HNF4G: variants seen among roughly 807,000 people sequenced by gnomAD.
HNF4G encodes the protein hepatocyte nuclear factor 4-gamma.
A neutral mutation model predicts 50.9 loss-of-function variants in HNF4G; 21 were observed. The ratio of observed to expected loss-of-function variants is 0.41; its 90% confidence interval spans 0.29 to 0.59. The LOEUF (loss-of-function observed/expected upper bound fraction) is 0.59, where lower values mean the gene tolerates loss of function less well. Among genes scored for constraint, HNF4G ranks in the 20% least tolerant of loss-of-function variants. HNF4G has a pLI of 0.26. For synonymous variants in HNF4G, 198 were observed against 185.6 expected, an observed-to-expected ratio of 1.07 and a Z score of -0.54; for missense variants, 527 against 559.4, an observed-to-expected ratio of 0.94 and a Z score of 0.58.
intron 8 of HNF4G, among the ~76,000 whole-genome samples, chr8:75,559,521 C>T (rs1807243883): frequency 6.6e-6 from 1 of 152,036 alleles, no homozygotes; most frequent in Admixed American, 6.5e-5. Context: ...ATCTGCCAGC[C>T]TCGGCCTCCC....
intron 1 of HNF4G, among the ~76,000 whole-genome samples, chr8:75,442,329 ATTC>A (rs145675565): frequency 0.032 from 4,921 of 152,210 alleles, 184 homozygotes; most frequent in African/African-American, 0.087. Flanking sequence ...CATATTAAAT[ATTC>A]TTTTGCATAT....
intron 1 of HNF4G, among the ~76,000 whole-genome samples, chr8:75,413,927 A>G (rs1810566607): frequency 1.3e-5 from 2 of 152,166 alleles, no homozygotes; most frequent in African/African-American, 4.8e-5. Flanking sequence ...CTGGGGAAGT[A>G]TTATTAAAAC....
chr8:75,435,530 C>A (rs1811115258), intron 1 of HNF4G, among the ~76,000 whole-genome samples: 1 of 152,158 alleles, frequency 6.6e-6, no homozygotes. Flanking sequence ...GTACTACAGA[C>A]TGGACCCAGG....
At chr8:75,422,507 GTAAA>G (rs1335873822) in intron 1 of HNF4G, among the ~76,000 whole-genome samples, 2 of 152,116 alleles carry the variant, frequency 1.3e-5, no homozygotes, top group African/African-American at 4.8e-5. Flanking sequence ...CATTATCAAA[GTAAA>G]TATATTAACT....
upstream of HNF4G, among the ~76,000 whole-genome samples, chr8:75,536,026 C>T (rs1166674992): frequency 6.6e-6 from 1 of 151,790 alleles, no homozygotes; most frequent in Non-Finnish European, 1.5e-5. Context: ...TTAAAATTAA[C>T]CTTTTATCTA....
intron 1 of HNF4G, among the ~76,000 whole-genome samples, chr8:75,417,144 C>T (rs1048552635): frequency 2.0e-5 from 3 of 151,304 alleles, no homozygotes; most frequent in Admixed American, 1.3e-4. Flanking sequence ...CACACACACA[C>T]ACGCTGCTGT....
chr8:75,472,274 T>C (rs1812131502), intron 1 of HNF4G, among the ~76,000 whole-genome samples: 1 of 152,188 alleles, frequency 6.6e-6, no homozygotes, highest in South Asian at 2.1e-4. Flanking sequence ...TAGAAATTCT[T>C]TTTTCTAAAG....
intron 1 of HNF4G, among the ~76,000 whole-genome samples, chr8:75,430,906 T>A (rs1470917441): frequency 6.6e-6 from 1 of 152,188 alleles, no homozygotes; most frequent in East Asian, 1.9e-4. Flanking sequence ...AGATTGTTGT[T>A]AGAAATTTCA....
At chr8:75,552,026 ATTAG>A (rs984745290) in intron 4 of HNF4G, among the ~76,000 whole-genome samples, 2 of 152,220 alleles carry the variant, frequency 1.3e-5, no homozygotes, top group African/African-American at 4.8e-5. Flanking sequence ...AAAATAAGTC[ATTAG>A]TTATATACAT....
intron 2 of HNF4G, among the ~76,000 whole-genome samples, chr8:75,490,730 G>A (rs7003219): frequency 0.24 from 36,978 of 151,910 alleles, 4,770 homozygotes; most frequent in South Asian, 0.31. Context: ...GTGATTTTCT[G>A]AAGAATTTTT....
At position 75,412,921 on chromosome 8, in the gene HNF4G, T is replaced by G. The variant is rs75652864; in HGVS notation, c.-144+4759T>G. On this transcript the variant is annotated intron_variant, in intron 1 of 10. Transcript: ENST00000354370. ...CTATTATATTAGGATAACAGATAAT[T>G]ATAATTAGTATAATACCGTGGAAAA... Among the ~76,000 whole-genome samples, 1,195 of 152,202 alleles carry G rather than the reference T, an allele frequency of 7.9e-3. 43 individuals are homozygous for G. The East Asian group carries it at 0.093, about 12-fold the overall frequency.
chr8:75,493,311 G>A (rs1174914148), intron 2 of HNF4G, among the ~76,000 whole-genome samples: 1 of 152,096 alleles, frequency 6.6e-6, no homozygotes. Flanking sequence ...AGAAATGGAG[G>A]CTGGTTGGAC....
rs1805835575 is a variant in HNF4G, at chr8:75,514,338, CCTTTCTTTCTT to C, written c.-24+24139_-24+24149del. Among the ~76,000 whole-genome samples, 2 of 130,738 alleles carry C rather than the reference CCTTTCTTTCTT, an allele frequency of 1.5e-5. 1 individual carries two copies. The highest frequency in any genetic ancestry group is 3.3e-5 in the Non-Finnish European group (2 of 61,448). The allele number at this position is 130,738 out of a possible 152,430, so 85.8% of individuals were successfully genotyped here. On this transcript the variant is annotated intron_variant, in intron 2 of 10. Coordinates refer to the HNF4G transcript ENST00000354370. The stretch of plus-strand genomic sequence containing the variant: ...TTTTCTTTTTCTTTTTCTTTTTTTT[CCTTTCTTTCTT>C]CTTTCTTTTTTTTTTTCTTTCTTTT...
At chr8:75,421,186 C>G (rs1391583078) in intron 1 of HNF4G, among the ~76,000 whole-genome samples, 1 of 152,046 alleles carries the variant, frequency 6.6e-6, no homozygotes. Flanking sequence ...GAGATCTTTC[C>G]TGTTCCTTTT....
At chr8:75,532,722 T>C (rs2130769275) in intron 2 of HNF4G, among the ~76,000 whole-genome samples, 1 of 152,128 alleles carries the variant, frequency 6.6e-6, no homozygotes. Flanking sequence ...AGTAATCCTA[T>C]ATGTATATTT....
chr8:75,462,831 G>A (rs527875082), intron 1 of HNF4G, among the ~76,000 whole-genome samples: 6 of 152,188 alleles, frequency 3.9e-5, no homozygotes, highest in Admixed American at 2.0e-4. Context: ...TATAAGGAAT[G>A]TTGTTCCTTC....
intron 2 of HNF4G, among the ~76,000 whole-genome samples, chr8:75,526,701 T>C (rs1164803546): frequency 1.3e-5 from 2 of 150,636 alleles, no homozygotes; most frequent in African/African-American, 2.5e-5. Context: ...CAAGACTAAT[T>C]AAAATTTTTT....
At chr8:75,418,568 C>T (rs1174392525) in intron 1 of HNF4G, among the ~76,000 whole-genome samples, 1 of 152,156 alleles carries the variant, frequency 6.6e-6, no homozygotes, top group Admixed American at 6.5e-5. Flanking sequence ...ACACTTTCCT[C>T]ATATTTGGCC....
At chr8:75,543,161 C>A (rs942477946) in intron 1 of HNF4G, among the ~76,000 whole-genome samples, 3 of 152,004 alleles carry the variant, frequency 2.0e-5, no homozygotes, top group African/African-American at 7.3e-5. Context: ...GAGCCGAGAT[C>A]GCACCACTAC....
Sources: gnomAD v4.1 joint callset for allele counts (sites outside exome capture counted in the v4.1 genomes callset) on GRCh38, gnomAD v4.1.1 for gene constraint, MANE v1.5 for transcripts, NCBI Gene and HGNC (gene_info 2026-07-23, HGNC 2026-07-21) for gene names.